Variants in TMEM132B observed in about 807,000 individuals in gnomAD.
The protein encoded by TMEM132B is transmembrane protein 132B.
Under a neutral mutation model 90.8 loss-of-function variants are expected in TMEM132B, and 18 were observed. The ratio of observed to expected loss-of-function variants is 0.20; its 90% CI spans 0.14 to 0.29. TMEM132B has a LOEUF of 0.29. Ranked by LOEUF, TMEM132B falls within the 10% of genes least tolerant of loss-of-function variation. The pLI is 1.00. For missense variants in TMEM132B, 1,096 were observed against 1,326.8 expected (o/e 0.83, Z 2.70); for synonymous variants, 504 against 523.3 (o/e 0.96, Z 0.50).
intron 4 of TMEM132B, among the ~76,000 whole-genome samples, chr12:125,535,648 C>G (rs1482176885): frequency 6.6e-6 from 1 of 152,184 alleles, no homozygotes; most frequent in Non-Finnish European, 1.5e-5. Flanking sequence ...TAATTAGACT[C>G]AGCTGAAGAA....
chr12:125,487,856 A>G (rs1882242073), intron 3 of TMEM132B, among the ~76,000 whole-genome samples: 1 of 152,184 alleles, frequency 6.6e-6, no homozygotes, highest in Non-Finnish European at 1.5e-5. Context: ...CCAGTCTCAC[A>G]TTCTCCTCTG....
intron 5 of TMEM132B, among the ~76,000 whole-genome samples, chr12:125,635,659 T>A (rs1436621205): frequency 6.6e-6 from 1 of 152,216 alleles, no homozygotes; most frequent in Non-Finnish European, 1.5e-5. Flanking sequence ...ATGTACCCAG[T>A]AATGGGATTG....
At chr12:125,267,532 C>A (rs1260046937) in intron 1 of TMEM132B, among the ~76,000 whole-genome samples, 1 of 152,170 alleles carries the variant, frequency 6.6e-6, no homozygotes, top group Admixed American at 6.5e-5. Context: ...TCTGTCACAT[C>A]CTCTCTCTTT....
At position 125,656,255 on chromosome 12, in the gene TMEM132B, A is replaced by G. The variant is rs1159558114; in HGVS notation, c.*1545A>G. 6.6e-6 allele frequency: 1 copy of G among 152,176 alleles called. No individual in the cohort carries two copies. Among genetic ancestry groups the G allele is most frequent in the Non-Finnish European group, 1.5e-5 (1 of 68,042 alleles). 9.4% of individuals were successfully genotyped at this position (152,176 alleles called of 1,614,324 possible). On this transcript the variant is annotated 3_prime_UTR_variant, in exon 9 of 9. Transcript: ENST00000682704. Reference sequence around the variant, plus strand: ...TACTGAGCCATTTGCATCTCTAAGAAATATGATTTTAAAGGCCCAAAGTAG... The same window carrying G: ...TACTGAGCCATTTGCATCTCTAAGAGATATGATTTTAAAGGCCCAAAGTAG...
At chr12:125,575,578 T>C (rs929415780) in intron 4 of TMEM132B, among the ~76,000 whole-genome samples, 48 of 152,198 alleles carry the variant, frequency 3.2e-4, no homozygotes, top group African/African-American at 1.1e-3. Flanking sequence ...AAAGTACAAT[T>C]TATCTATTTT....
intron 1 of TMEM132B, among the ~76,000 whole-genome samples, chr12:125,206,832 T>G (rs1315448290): frequency 6.6e-6 from 1 of 152,236 alleles, no homozygotes; most frequent in Non-Finnish European, 1.5e-5. Context: ...TGTGAGAAAC[T>G]TGAATTAGAA....
At chr12:125,467,298 G>T (rs543048932) in intron 3 of TMEM132B, among the ~76,000 whole-genome samples, 168 of 152,218 alleles carry the variant, frequency 1.1e-3, no homozygotes, top group African/African-American at 3.9e-3. Context: ...TGAAGCAAAG[G>T]TTCTGGGAAT....
chr12:125,468,224 C>A (rs1479359028), intron 3 of TMEM132B, among the ~76,000 whole-genome samples: 3 of 151,742 alleles, frequency 2.0e-5, no homozygotes, highest in Non-Finnish European at 4.4e-5. Context: ...ACATTTCCAC[C>A]AGCTATGTAG....
At chr12:125,392,278 T>C (rs1457326845) in intron 2 of TMEM132B, among the ~76,000 whole-genome samples, 1 of 152,098 alleles carries the variant, frequency 6.6e-6, no homozygotes, top group Non-Finnish European at 1.5e-5. Context: ...GCTAGTTTAG[T>C]GGGGACAATT....
intron 5 of TMEM132B, among the ~76,000 whole-genome samples, chr12:125,631,493 C>A (rs576150519): frequency 3.7e-4 from 57 of 152,214 alleles, no homozygotes; most frequent in Non-Finnish European, 7.8e-4. Flanking sequence ...CTGTAAATAT[C>A]TATTAAATCC....
chr12:125,206,978 C>G (rs67385590), intron 1 of TMEM132B, among the ~76,000 whole-genome samples: 1 of 151,976 alleles, frequency 6.6e-6, no homozygotes, highest in Non-Finnish European at 1.5e-5. Flanking sequence ...GTAAGAGCCC[C>G]GCCTGTTTCT....
intron 4 of TMEM132B, among the ~76,000 whole-genome samples, chr12:125,525,503 A>G (rs1883427637): frequency 6.6e-6 from 1 of 152,246 alleles, no homozygotes; most frequent in East Asian, 1.9e-4. Context: ...ACGCAGCAAC[A>G]AGGCACCATC....
At chr12:125,553,011 T>C (rs748756491) in intron 4 of TMEM132B, among the ~76,000 whole-genome samples, 14 of 152,230 alleles carry the variant, frequency 9.2e-5, no homozygotes, top group Non-Finnish European at 1.8e-4. Flanking sequence ...GCTCATAGCA[T>C]GTTTAAGGCA....
intron 3 of TMEM132B, among the ~76,000 whole-genome samples, chr12:125,479,175 CATCAATGCT>C (rs1381243949): frequency 2.6e-5 from 4 of 152,150 alleles, no homozygotes; most frequent in Non-Finnish European, 5.9e-5. Context: ...TTGTAAAGAC[CATCAATGCT>C]AGGAAGAAAC....
chr12:125,188,728 C>A (rs982129509), intron 1 of TMEM132B, among the ~76,000 whole-genome samples: 1 of 151,858 alleles, frequency 6.6e-6, no homozygotes, highest in Non-Finnish European at 1.5e-5. Flanking sequence ...GCCGTCCGGG[C>A]AGAGCCCCCA....
intron 1 of TMEM132B, among the ~76,000 whole-genome samples, chr12:125,313,509 CCCTT>C (rs1348698789): frequency 2.8e-5 from 4 of 140,692 alleles, no homozygotes; most frequent in African/African-American, 8.0e-5. Flanking sequence ...CTTTCTCTCT[CCCTT>C]CCTTCATTTC....
chr12:125,304,222 C>T (rs551833170), intron 1 of TMEM132B, among the ~76,000 whole-genome samples: 54 of 152,322 alleles, frequency 3.5e-4, no homozygotes, highest in African/African-American at 1.1e-3. Flanking sequence ...CGATGGGGAG[C>T]GGCGGTAAAC....
intron 2 of TMEM132B, among the ~76,000 whole-genome samples, chr12:125,413,260 T>G (rs1178163414): frequency 6.6e-6 from 1 of 152,196 alleles, no homozygotes; most frequent in African/African-American, 2.4e-5. Context: ...TGATACATTC[T>G]ATTTTTTTAA....
rs112475840 is a variant in TMEM132B, at chr12:125,492,165, G to A, written c.1107-27274G>A. ...GAGTGCCCTGCTGCCCGCCCCCACC[G>A]CTCCTCACCTTGCAGAAATGGGGTA... On this transcript the variant is annotated intron_variant, in intron 3 of 8. Coordinates refer to ENST00000682704, the MANE Select transcript of TMEM132B (RefSeq NM_001366854.1). The surrounding 1 kb of genome is among the most constrained non-coding windows in gnomAD (Gnocchi z 5.8). Among the ~76,000 whole-genome samples the A allele has an allele frequency of 6.6e-6, 1 of 152,102 alleles. No individual in the cohort carries two copies. Among genetic ancestry groups the A allele is most frequent in the Non-Finnish European group, 1.5e-5 (1 of 68,012 alleles).
Sources: gnomAD v4.1 joint callset for allele counts (sites outside exome capture counted in the v4.1 genomes callset) on GRCh38, gnomAD v4.1.1 for gene constraint, Gnocchi (gnomAD v3.1) non-coding constraint, MANE v1.5 for transcripts, NCBI Gene and HGNC (gene_info 2026-07-23, HGNC 2026-07-21) for gene names.